RLN2: variants seen among roughly 807,000 people sequenced by gnomAD.
RLN2 encodes the protein prorelaxin H2.
RLN2 carries 10 observed loss-of-function variants against 7.3 expected under a neutral mutation model. That is an observed-to-expected ratio of 1.36 (90% CI 0.84 to 2.31). RLN2 has a LOEUF of 2.31. RLN2 is among the 30% of genes most tolerant of loss of function. RLN2 has a pLI of 0.00. For missense variants in RLN2, 298 were observed against 217.6 expected (o/e 1.37, Z -2.32); for synonymous variants, 103 against 82.3 (o/e 1.25, Z -1.36).
upstream of RLN2, among the ~76,000 whole-genome samples, chr9:5,307,520 T>A (rs187482620): frequency 2.0e-3 from 300 of 151,930 alleles, 1 homozygote; most frequent in Admixed American, 4.3e-3. Flanking sequence ...AGGAGTCATA[T>A]ATTGAAAAGC....
upstream of RLN2, among the ~76,000 whole-genome samples, chr9:5,306,236 T>A (rs1232193119): frequency 6.6e-6 from 1 of 151,346 alleles, no homozygotes; most frequent in African/African-American, 2.4e-5. Flanking sequence ...GCCTCTGAAG[T>A]AGCTGGGATT....
the RLN2 span, among the ~76,000 whole-genome samples, chr9:5,325,527 G>T: frequency 1.3e-5 from 2 of 152,000 alleles, no homozygotes; most frequent in Non-Finnish European, 2.9e-5. Context: ...CTCTAGCACA[G>T]TTCTATGGCC....
upstream of RLN2, among the ~76,000 whole-genome samples, chr9:5,305,402 C>CAGAG (rs3834385): frequency 0.014 from 1,563 of 112,076 alleles, 40 homozygotes; most frequent in African/African-American, 0.047. Context: ...CACACACACA[C>CAGAG]AGAGAGAGAG....
chr9:5,312,965 T>C, the RLN2 span, among the ~76,000 whole-genome samples: 3 of 152,040 alleles, frequency 2.0e-5, no homozygotes, highest in East Asian at 5.8e-4. Flanking sequence ...TTCAATTTTC[T>C]TAAATTTGTT....
chr9:5,319,926 AT>A, the RLN2 span, among the ~76,000 whole-genome samples: 1 of 151,788 alleles, frequency 6.6e-6, no homozygotes, highest in African/African-American at 2.4e-5. Flanking sequence ...CTTAAACTTA[AT>A]TTTTTTATTT....
upstream of RLN2, among the ~76,000 whole-genome samples, chr9:5,308,066 T>C (rs978745218): frequency 6.6e-6 from 1 of 151,846 alleles, no homozygotes; most frequent in Non-Finnish European, 1.5e-5. Context: ...TATTATTTCA[T>C]TGAGATTTGG....
intron 1 of RLN2, among the ~76,000 whole-genome samples, chr9:5,300,741 T>C (rs553359379): frequency 6.6e-6 from 1 of 152,350 alleles, no homozygotes; most frequent in South Asian, 2.1e-4. Flanking sequence ...CATTAATCTG[T>C]CATCTTTCTG....
chr9:5,330,359 C>T, the RLN2 span, among the ~76,000 whole-genome samples: 1 of 151,878 alleles, frequency 6.6e-6, no homozygotes, highest in Admixed American at 6.6e-5. Context: ...ATTAGAGAGG[C>T]CGGGTGTGGT....
At chr9:5,323,186 T>A in the RLN2 span, among the ~76,000 whole-genome samples, 1 of 151,916 alleles carries the variant, frequency 6.6e-6, no homozygotes, top group South Asian at 2.1e-4. Flanking sequence ...TATTCCTTAC[T>A]CTAGCTTAAG....
At chr9:5,334,951 T>G in the RLN2 span, 1 of 247,860 alleles carries the variant, frequency 4.0e-6, no homozygotes, top group Non-Finnish European at 7.6e-6. Context: ...AGGTACTGTA[T>G]TGTTATTATG....
the RLN2 span, among the ~76,000 whole-genome samples, chr9:5,334,572 T>A: frequency 6.6e-6 from 1 of 151,982 alleles, no homozygotes; most frequent in Non-Finnish European, 1.5e-5. Flanking sequence ...TACTATTTCT[T>A]CTGTAATATA....
At chr9:5,324,087 A>G in the RLN2 span, among the ~76,000 whole-genome samples, 1 of 151,980 alleles carries the variant, frequency 6.6e-6, no homozygotes, top group Non-Finnish European at 1.5e-5. Context: ...AATTCCAATC[A>G]GCTCTTAAGG....
chr9:5,317,890 G>A, the RLN2 span, among the ~76,000 whole-genome samples: 4 of 151,930 alleles, frequency 2.6e-5, no homozygotes, highest in Non-Finnish European at 5.9e-5. Flanking sequence ...TTAATACACT[G>A]TTGACGAAGT....
the RLN2 span, among the ~76,000 whole-genome samples, chr9:5,331,793 G>A: frequency 1.3e-5 from 2 of 152,064 alleles, no homozygotes; most frequent in Middle Eastern, 6.8e-3. Context: ...TTGTGCACAT[G>A]TACCCTAGAA....
At chr9:5,310,134 G>A in the RLN2 span, among the ~76,000 whole-genome samples, 1 of 151,956 alleles carries the variant, frequency 6.6e-6, no homozygotes, top group South Asian at 2.1e-4. Context: ...TTGGACTAAG[G>A]TCTAAGGAAG....
At chr9:5,329,789 A>T in the RLN2 span, among the ~76,000 whole-genome samples, 1 of 151,946 alleles carries the variant, frequency 6.6e-6, no homozygotes, top group African/African-American at 2.4e-5. Flanking sequence ...AAAGAGACTT[A>T]GACTCCCACA....
At chr9:5,306,035 G>C (rs1816241374), upstream of RLN2, among the ~76,000 whole-genome samples, 1 of 151,014 alleles carries the variant, frequency 6.6e-6, no homozygotes, top group Admixed American at 6.6e-5. Flanking sequence ...AACAATCCAT[G>C]TGCAAGGCTG....
At chr9:5,305,390 CACACACACACACAGAG>C (rs984206873), upstream of RLN2, among the ~76,000 whole-genome samples, 4 of 142,500 alleles carry the variant, frequency 2.8e-5, no homozygotes, top group African/African-American at 1.1e-4. Context: ...CACACACACA[CACACACACACACAGAG>C]AGAGAGAGAG....
upstream of RLN2, among the ~76,000 whole-genome samples, chr9:5,305,878 T>C (rs1280184096): frequency 6.6e-6 from 1 of 151,962 alleles, no homozygotes; most frequent in African/African-American, 2.4e-5. Flanking sequence ...CAATGTGTAA[T>C]TCTTCAAAAA....
Sources: gnomAD v4.1 joint callset for allele counts (sites outside exome capture counted in the v4.1 genomes callset) on GRCh38, gnomAD v4.1.1 for gene constraint, MANE v1.5 for transcripts, NCBI Gene and HGNC (gene_info 2026-07-23, HGNC 2026-07-21) for gene names.